The following DLG2 variants were observed in gnomAD, a reference collection of about 807,000 sequenced individuals.
DLG2 encodes disks large homolog 2.
A neutral mutation model predicts 132.5 loss-of-function variants in DLG2; 45 were observed. That is an observed-to-expected ratio of 0.34 (90% CI 0.27 to 0.44). The LOEUF (loss-of-function observed/expected upper bound fraction) is 0.44, where lower values mean the gene tolerates loss of function less well. DLG2 is among the 20% of genes least tolerant of loss of function. DLG2 has a pLI of 1.00. For synonymous variants in DLG2, 424 were observed against 419.6 expected (o/e 1.01, Z -0.13); for missense variants, 1,045 against 1,196.9 (o/e 0.87, Z 1.87).
At chr11:84,564,766 T>G (rs1166314273) in intron 6 of DLG2, among the ~76,000 whole-genome samples, 1 of 152,194 alleles carries the variant, frequency 6.6e-6, no homozygotes, top group Non-Finnish European at 1.5e-5. Flanking sequence ...CTCAAAAAGA[T>G]GTGAGTGCCT....
chr11:84,496,127 A>T (rs1362159668), intron 7 of DLG2, among the ~76,000 whole-genome samples: 1 of 152,180 alleles, frequency 6.6e-6, no homozygotes, highest in Non-Finnish European at 1.5e-5. Flanking sequence ...ATAGGCAATA[A>T]GTTCACTAAA....
chr11:84,523,326 TTAATAGATTTACTAA>T (rs2099310221), intron 7 of DLG2, among the ~76,000 whole-genome samples: 1 of 152,166 alleles, frequency 6.6e-6, no homozygotes, highest in Non-Finnish European at 1.5e-5. Context: ...AGGTTAGAAG[TTAATAGATTTACTAA>T]TAGACACAGC....
intron 7 of DLG2, among the ~76,000 whole-genome samples, chr11:84,471,751 A>G (rs72943734): frequency 0.023 from 3,428 of 150,912 alleles, 60 homozygotes; most frequent in South Asian, 0.036. Flanking sequence ...CCCTTCCTCA[A>G]CTCCCTCACT....
intron 7 of DLG2, among the ~76,000 whole-genome samples, chr11:84,453,081 T>A (rs1046163366): frequency 2.7e-5 from 4 of 150,814 alleles, no homozygotes; most frequent in African/African-American, 9.7e-5. Context: ...CAAAAAAAAA[T>A]AAATTTAAAA....
At chr11:84,201,818 T>C (rs1419274637) in intron 8 of DLG2, among the ~76,000 whole-genome samples, 3 of 117,278 alleles carry the variant, frequency 2.6e-5, no homozygotes, top group South Asian at 6.4e-4. Flanking sequence ...CTTTTTTTTT[T>C]TTTTTTTTTT....
chr11:85,041,467 A>T (rs1465042478), intron 6 of DLG2, among the ~76,000 whole-genome samples: 2 of 151,914 alleles, frequency 1.3e-5, no homozygotes, highest in African/African-American at 2.4e-5. Flanking sequence ...AAGGCATGTC[A>T]ATTTCATAGA....
intron 18 of DLG2, among the ~76,000 whole-genome samples, chr11:83,765,341 A>C (rs1437832207): frequency 2.6e-5 from 4 of 152,216 alleles, no homozygotes; most frequent in Non-Finnish European, 5.9e-5. Flanking sequence ...CAAAATACTG[A>C]GAGGCAGCAG....
At chr11:85,217,318 TCACACACA>T (rs56718906) in intron 4 of DLG2, among the ~76,000 whole-genome samples, 1 of 143,930 alleles carries the variant, frequency 6.9e-6, no homozygotes, top group African/African-American at 2.6e-5. Flanking sequence ...TCTCTCTCTC[TCACACACA>T]CACACACACA....
chr11:85,544,979 A>C (rs893079694), intron 3 of DLG2, among the ~76,000 whole-genome samples: 1 of 152,096 alleles, frequency 6.6e-6, no homozygotes, highest in African/African-American at 2.4e-5. Flanking sequence ...AATACCGTTT[A>C]TTTCTTTCTC....
At position 85,408,541 on chromosome 11, in the gene DLG2, C is replaced by A. The variant is rs575926541; in HGVS notation, c.41-123176G>T. ...AGGTATATCTCCCAATGCTATCCCT[C>A]CCCCCTCCCCCCACCCCACAGCAGT... On this transcript the variant is annotated intron_variant, in intron 3 of 27. Transcript: ENST00000376104. 2.0e-4 allele frequency among the ~76,000 whole-genome samples: 22 copies of A among 112,496 alleles called. No individual in the cohort carries two copies. In the Admixed American group the frequency reaches 2.0e-3, roughly 10 times the overall value. The allele number at this position is 112,496 out of a possible 152,430, so 73.8% of individuals were successfully genotyped here.
At chr11:84,180,880 T>G (rs560684977) in intron 8 of DLG2, among the ~76,000 whole-genome samples, 3 of 152,004 alleles carry the variant, frequency 2.0e-5, no homozygotes, top group Admixed American at 2.0e-4. Flanking sequence ...TAAGGAAATG[T>G]TTCTGTCAGT....
intron 5 of DLG2, among the ~76,000 whole-genome samples, chr11:85,112,398 T>A (rs1352858216): frequency 1.3e-5 from 2 of 152,082 alleles, no homozygotes; most frequent in East Asian, 3.9e-4. Context: ...CTAATTGGCT[T>A]TTAAAAATAA....
intron 18 of DLG2, among the ~76,000 whole-genome samples, chr11:83,743,433 T>TC (rs546782147): frequency 0.08 from 10,148 of 126,764 alleles, 1,172 homozygotes; most frequent in African/African-American, 0.15. Flanking sequence ...CAGGCCATTT[T>TC]TTTTTTTTTT....
intron 19 of DLG2, among the ~76,000 whole-genome samples, chr11:83,605,581 G>A (rs1425087573): frequency 6.6e-6 from 1 of 152,168 alleles, no homozygotes; most frequent in Non-Finnish European, 1.5e-5. Context: ...AGAACCCTAT[G>A]GGATAAGAAC....
At chr11:83,504,328 C>T (rs1344155291) in intron 21 of DLG2, among the ~76,000 whole-genome samples, 1 of 152,138 alleles carries the variant, frequency 6.6e-6, no homozygotes, top group Non-Finnish European at 1.5e-5. Flanking sequence ...GCTATCCCTT[C>T]CTGGATTGGG....
At chr11:84,270,672 T>C (rs1422548666) in intron 7 of DLG2, among the ~76,000 whole-genome samples, 1 of 152,210 alleles carries the variant, frequency 6.6e-6, no homozygotes, top group African/African-American at 2.4e-5. Context: ...ACCATCTAGG[T>C]GGCTCCGCAT....
chr11:84,904,963 G>A (rs943577357), intron 6 of DLG2, among the ~76,000 whole-genome samples: 5 of 152,050 alleles, frequency 3.3e-5, no homozygotes, highest in African/African-American at 4.8e-5. Context: ...TCGCTCTGTC[G>A]CCCAGGCTAG....
At chr11:84,405,344 CA>C (rs1455063675) in intron 7 of DLG2, among the ~76,000 whole-genome samples, 2 of 152,152 alleles carry the variant, frequency 1.3e-5, no homozygotes, top group Non-Finnish European at 2.9e-5. Flanking sequence ...ACCATACATT[CA>C]CATACTCTTT....
intron 11 of DLG2, among the ~76,000 whole-genome samples, chr11:84,005,351 G>A (rs1481020451): frequency 6.6e-6 from 1 of 151,782 alleles, no homozygotes; most frequent in Non-Finnish European, 1.5e-5. Context: ...ATCAACTCAA[G>A]ACAGATTAAA....
Sources: allele counts gnomAD v4.1 joint callset (sites outside exome capture counted in the v4.1 genomes callset), GRCh38; gene constraint gnomAD v4.1.1; transcripts MANE v1.5; gene names NCBI Gene and HGNC (gene_info 2026-07-23, HGNC 2026-07-21).